Variants in ACP2 observed in about 807,000 individuals in gnomAD.
ACP2 encodes acid phosphatase 2, lysosomal.
A neutral mutation model predicts 54.7 loss-of-function variants in ACP2; 35 were observed. The observed-to-expected ratio is 0.64, with a 90% CI of 0.49 to 0.85. ACP2 has a LOEUF of 0.85. Ranked by LOEUF, ACP2 falls within the 40% of genes least tolerant of loss-of-function variation. ACP2 has a pLI of 0.00. For synonymous variants in ACP2, 210 were observed against 224.4 expected, an observed-to-expected ratio of 0.94 and a Z score of 0.57; for missense variants, 492 against 565.0, an observed-to-expected ratio of 0.87 and a Z score of 1.31.
intron 10 of ACP2, 123 bp downstream of exon 10, chr11:47,242,600 C>T (rs879285135): frequency 3.6e-5 from 42 of 1,168,912 alleles, no homozygotes; most frequent in East Asian, 3.3e-4. Context: ...AGTCTGGGGT[C>T]GGGGAGGGAA....
intron 7 of ACP2, among the ~76,000 whole-genome samples, chr11:47,244,496 CAA>C (rs1953981100): frequency 6.6e-6 from 1 of 151,748 alleles, no homozygotes; most frequent in African/African-American, 2.4e-5. Flanking sequence ...GCCTGGGTGA[CAA>C]GAGGGAAACT....
In ACP2 at chr11:47,243,178, G is replaced by A. The variant is rs542991252; in HGVS notation, c.856-54C>T. The A allele has an allele frequency of 1.4e-5, 22 of 1,612,960 alleles. No homozygotes were observed. The East Asian group carries it at 2.0e-4, about 15-fold the overall frequency. ...ATTGTTCCCCACACCCGCAGGAACCGAACAGAGAAGAAATCCAGCTCCTTG... is the reference window on the plus strand; with the variant it reads ...ATTGTTCCCCACACCCGCAGGAACCAAACAGAGAAGAAATCCAGCTCCTTG... On this transcript the variant is annotated intron_variant, in intron 8 of 10. Transcript: ENST00000672073.
intron 10 of ACP2, 146 bp downstream of exon 10, chr11:47,242,577 G>GA: frequency 1.2e-6 from 1 of 846,188 alleles, no homozygotes; most frequent in Non-Finnish European, 1.8e-6. Flanking sequence ...GAAGTGGGGA[G>GA]AAGGTATAAA....
chr11:47,245,609 G>A (rs754382383), intron 4 of ACP2, 37 bp from the exon 5 acceptor site: 1 of 1,614,242 alleles, frequency 6.2e-7, no homozygotes, highest in Non-Finnish European at 8.5e-7. Flanking sequence ...AGCGGGAAAA[G>A]GAGCCTGGCA....
chr11:47,245,063 G>T, intron 6 of ACP2, 196 bp from the exon 7 acceptor site: 1 of 1,085,540 alleles, frequency 9.2e-7, no homozygotes, highest in Non-Finnish European at 1.3e-6. Context: ...GGCACAAAAA[G>T]TGAGACTCAG....
rs368970904 is a variant in ACP2 at position 47,248,021 on chromosome 11, G to C, written c.210+17C>G. 1.3e-6 allele frequency: 2 copies of C among 1,571,780 alleles called. No individual in the cohort carries two copies. The highest frequency in any genetic ancestry group is 1.2e-5 in the South Asian group (1 of 84,698). On this transcript the variant is annotated intron_variant, in intron 2 of 10. Coordinates refer to ENST00000672073, the MANE Select transcript of ACP2 (RefSeq NM_001610.4). Reference sequence around the variant, plus strand: ...ATTCTGCAGCTCATCCTGAGGAAAGGCTGGCTTCTGACCCACCTTGGTTAA... The same window carrying C: ...ATTCTGCAGCTCATCCTGAGGAAAGCCTGGCTTCTGACCCACCTTGGTTAA...
intron 7 of ACP2, among the ~76,000 whole-genome samples, chr11:47,243,948 C>T (rs1323278153): frequency 2.0e-5 from 3 of 151,830 alleles, no homozygotes; most frequent in African/African-American, 7.3e-5. Context: ...ACCAGCCTGG[C>T]CAACATAGTG....
At chr11:47,245,923 T>G in intron 3 of ACP2, 89 bp from the exon 4 acceptor site, 2 of 1,441,860 alleles carry the variant, frequency 1.4e-6, no homozygotes, top group South Asian at 1.5e-5. Context: ...GAGCCTTGTA[T>G]GTATGTGTGT....
rs146841506 is a variant in ACP2 at position 47,242,979 on chromosome 11, G to A, written c.962+39C>T. On this transcript the variant is annotated intron_variant, in intron 9 of 10. Transcript: ENST00000672073. Reference sequence around the variant, plus strand: ...CTTGGGCTGCCCCGAGCCACCTCCCGAGGGCCCCCCTCCAGAGGACACTGC... The same window carrying A: ...CTTGGGCTGCCCCGAGCCACCTCCCAAGGGCCCCCCTCCAGAGGACACTGC... The A allele has an allele frequency of 4.0e-4, 643 of 1,613,008 alleles. 2 individuals carry two copies. In the African/African-American group the frequency reaches 7.6e-3, roughly 19 times the overall value.
At chr11:47,245,913 G>A in intron 3 of ACP2, 79 bp from the exon 4 acceptor site, 2 of 1,431,992 alleles carry the variant, frequency 1.4e-6, no homozygotes, top group Admixed American at 2.7e-5. Context: ...CCCTGAAGTG[G>A]AGCCTTGTAT....
rs1206484750 is a variant in ACP2 at position 47,240,023 on chromosome 11, TCTC to T, written c.*90_*92del. 1.1e-5 allele frequency: 15 copies of T among 1,411,108 alleles called. No individual in the cohort carries two copies. Among genetic ancestry groups the T allele is most frequent in the African/African-American group, 1.4e-5 (1 of 69,868 alleles). 87.4% of individuals were successfully genotyped at this position (1,411,108 alleles called of 1,614,324 possible). A position where few individuals can be genotyped will look rare whatever the true frequency, so the allele number is the denominator to read the frequency against. ...CATCAGAGGGAGGCCCAACCCAGGA[TCTC>T]CTGTCCATGGGCTGGGGAGCAGCAA... On this transcript the variant is annotated 3_prime_UTR_variant, in exon 11 of 11. Transcript: ENST00000672073.
chr11:47,247,507 T>A, intron 3 of ACP2, 134 bp downstream of exon 3: 1 of 1,011,384 alleles, frequency 9.9e-7, no homozygotes, highest in South Asian at 1.4e-5. Context: ...AGCTCTCAGA[T>A]GTCTTTTCCT....
chr11:47,239,380 T>C lies in ACP2; in HGVS notation c.*736A>G. The C allele has an allele frequency of 5.4e-6, 1 of 184,404 alleles. No homozygotes were observed. The highest frequency in any genetic ancestry group is 9.7e-5 in the East Asian group (1 of 10,342). 11.4% of individuals were successfully genotyped at this position (184,404 alleles called of 1,614,324 possible). ...TATTCTGGGCCACAGTCTAGAACTTTCTTTTCCAGCTCACAACCTGCATGT... is the reference window on the plus strand; with the variant it reads ...TATTCTGGGCCACAGTCTAGAACTTCCTTTTCCAGCTCACAACCTGCATGT... On this transcript the variant is annotated 3_prime_UTR_variant, in exon 11 of 11. Transcript: ENST00000672073.
intron 2 of ACP2, 38 bp downstream of exon 2, chr11:47,248,000 T>G (rs780638079): frequency 2.0e-6 from 3 of 1,530,472 alleles, no homozygotes; most frequent in Non-Finnish European, 2.7e-6. Context: ...TCGCTCATTC[T>G]GCAGCTCATC....
chr11:47,248,156 C>A, intron 1 of ACP2, 23 bp from the exon 2 acceptor site: 1 of 1,576,668 alleles, frequency 6.3e-7, no homozygotes, highest in South Asian at 1.2e-5. Context: ...AATGGTTTGC[C>A]TATAGGTCAG....
In ACP2 at chr11:47,240,036, G is replaced by GGCTGGGGAGCAGCAACAGTCAGGA. The variant is rs1953827369; in HGVS notation, c.*56_*79dup. 1 of 1,500,058 alleles carries GGCTGGGGAGCAGCAACAGTCAGGA rather than the reference G, an allele frequency of 6.7e-7. No homozygotes were observed. The highest frequency in any genetic ancestry group is 1.3e-5 in the South Asian group (1 of 79,174). 92.9% of individuals were successfully genotyped at this position (1,500,058 alleles called of 1,614,324 possible). On this transcript the variant is annotated 3_prime_UTR_variant, in exon 11 of 11. Transcript: ENST00000672073. ...CCCAACCCAGGATCTCCTGTCCATG[G>GGCTGGGGAGCAGCAACAGTCAGGA]GCTGGGGAGCAGCAACAGTCAGGAG...
Position 47,244,816 on chromosome 11 carries a change from G to C in ACP2, c.691C>G (p.Arg231Gly), listed in dbSNP as rs745906259. ...CTGAAGTCCTTTAGCCGGCTGAGAC[G>C]CTGCATGGTTTGGGGTGAGGCCCAG... Reference protein sequence around the residue: ...PPWASPQTMQRLSRLKDFSFR... With the variant: ...PPWASPQTMQGLSRLKDFSFR... The change falls in exon 7 of 11, where the codon CGT becomes GGT. Residue 231 changes from arginine to glycine, a missense_variant. By Grantham distance (125) the Arg-to-Gly change is moderately radical. Coordinates refer to ENST00000672073, the MANE Select transcript of ACP2 (RefSeq NM_001610.4). The C allele has an allele frequency of 6.2e-7, 1 of 1,612,802 alleles. No individual in the cohort carries two copies. Among genetic ancestry groups the C allele is most frequent in the Non-Finnish European group, 8.5e-7 (1 of 1,179,010 alleles).
Position 47,248,153 on chromosome 11 carries a change from T to C in ACP2, c.115-20A>G. The C allele has an allele frequency of 6.3e-7, 1 of 1,578,960 alleles. No individual in the cohort carries two copies. The highest frequency in any genetic ancestry group is 8.6e-7 in the Non-Finnish European group (1 of 1,165,042). On this transcript the variant is annotated intron_variant, in intron 1 of 10. Transcript: ENST00000672073. Reference sequence around the variant, plus strand: ...GTACAGCTGAGAGAATAAAATGGTTTGCCTATAGGTCAGAAGCATCCCCTT... The same window carrying C: ...GTACAGCTGAGAGAATAAAATGGTTCGCCTATAGGTCAGAAGCATCCCCTT...
chr11:47,243,168 C>T (rs773820910), intron 8 of ACP2, 44 bp from the exon 9 acceptor site: 69 of 1,613,040 alleles, frequency 4.3e-5, no homozygotes, highest in Non-Finnish European at 5.7e-5. Flanking sequence ...TCCCCACACC[C>T]GCAGGAACCG....
Sources: allele counts gnomAD v4.1 joint callset (sites outside exome capture counted in the v4.1 genomes callset), GRCh38; gene constraint gnomAD v4.1.1; transcripts MANE v1.5; gene names NCBI Gene and HGNC (gene_info 2026-07-23, HGNC 2026-07-21).